The following GPR149 variants were observed in gnomAD, a reference collection of about 807,000 sequenced individuals.
The protein encoded by GPR149 is probable G protein-coupled receptor 149.
Under a neutral mutation model 50.2 loss-of-function variants are expected in GPR149, and 50 were observed. That is an observed-to-expected ratio of 1.00 (90% CI 0.79 to 1.26). The LOEUF is 1.26. GPR149 is among the 50% of genes most tolerant of loss of function. The pLI is 0.00. For synonymous variants in GPR149, 405 were observed against 358.2 expected, an observed-to-expected ratio of 1.13 and a Z score of -1.48; for missense variants, 983 against 895.4, an observed-to-expected ratio of 1.10 and a Z score of -1.25.
At chr3:154,344,879 A>T (rs1331349488) in intron 3 of GPR149, among the ~76,000 whole-genome samples, 2 of 152,222 alleles carry the variant, frequency 1.3e-5, no homozygotes, top group Non-Finnish European at 2.9e-5. Context: ...TTAATTTGTG[A>T]TAGTTTGTTA....
At chr3:154,343,706 C>T (rs1713856304) in intron 3 of GPR149, among the ~76,000 whole-genome samples, 1 of 152,088 alleles carries the variant, frequency 6.6e-6, no homozygotes, top group South Asian at 2.1e-4. Context: ...ACTGTTCATC[C>T]CTGTAATCCC....
intron 3 of GPR149, among the ~76,000 whole-genome samples, chr3:154,416,970 C>T (rs1368316769): frequency 6.6e-6 from 1 of 151,700 alleles, no homozygotes; most frequent in South Asian, 2.1e-4. Context: ...TAAAACAAAA[C>T]ATTAAAAGGA....
At chr3:154,356,261 A>G (rs1714221142) in intron 3 of GPR149, among the ~76,000 whole-genome samples, 2 of 152,262 alleles carry the variant, frequency 1.3e-5, no homozygotes, top group South Asian at 4.1e-4. Context: ...TAATTTATGA[A>G]GATAAGAGGT....
chr3:154,355,428 C>G (rs78573175), intron 3 of GPR149, among the ~76,000 whole-genome samples: 1 of 152,166 alleles, frequency 6.6e-6, no homozygotes, highest in East Asian at 1.9e-4. Flanking sequence ...TGCAATAAAT[C>G]CTTAGGGAAT....
intron 3 of GPR149, among the ~76,000 whole-genome samples, chr3:154,393,209 A>C (rs909753684): frequency 6.6e-6 from 1 of 152,044 alleles, no homozygotes; most frequent in African/African-American, 2.4e-5. Context: ...CAAGTTCAAC[A>C]ACTTACTAAG....
intron 3 of GPR149, among the ~76,000 whole-genome samples, chr3:154,360,911 A>G (rs1020823715): frequency 2.0e-5 from 3 of 152,202 alleles, no homozygotes; most frequent in Non-Finnish European, 4.4e-5. Context: ...AACTGAACAC[A>G]ACTAATTTCT....
chr3:154,340,094 C>T (rs371791771), intron 3 of GPR149, among the ~76,000 whole-genome samples: 15 of 151,998 alleles, frequency 9.9e-5, no homozygotes, highest in South Asian at 4.2e-4. Context: ...GCCCGGCCCA[C>T]GCTCTACTTC....
At chr3:154,388,130 A>G (rs544380304) in intron 3 of GPR149, among the ~76,000 whole-genome samples, 1 of 152,272 alleles carries the variant, frequency 6.6e-6, no homozygotes, top group South Asian at 2.1e-4. Context: ...CTTGTTTTTC[A>G]GGTTATTTTG....
intron 3 of GPR149, among the ~76,000 whole-genome samples, chr3:154,357,066 A>C (rs2108392892): frequency 6.6e-6 from 1 of 152,320 alleles, no homozygotes; most frequent in Admixed American, 6.5e-5. Flanking sequence ...AATCTGACAA[A>C]AACAAGAAAT....
At chr3:154,383,754 C>A (rs1401859470) in intron 3 of GPR149, among the ~76,000 whole-genome samples, 1 of 151,924 alleles carries the variant, frequency 6.6e-6, no homozygotes, top group East Asian at 1.9e-4. Context: ...TCTTTAATCC[C>A]CCAAATTATG....
chr3:154,355,929 A>G (rs1714212788), intron 3 of GPR149, among the ~76,000 whole-genome samples: 1 of 152,232 alleles, frequency 6.6e-6, no homozygotes, highest in Non-Finnish European at 1.5e-5. Context: ...CATTGATGAT[A>G]TTCATGTAAG....
At chr3:154,389,300 A>G (rs750167656) in intron 3 of GPR149, among the ~76,000 whole-genome samples, 1 of 152,166 alleles carries the variant, frequency 6.6e-6, no homozygotes, top group Non-Finnish European at 1.5e-5. Context: ...TCCTGGAGCA[A>G]GTGTAAAACC....
chr3:154,374,533 C>G (rs966423012), intron 3 of GPR149, among the ~76,000 whole-genome samples: 2 of 152,004 alleles, frequency 1.3e-5, no homozygotes, highest in Admixed American at 6.6e-5. Flanking sequence ...TGAGGGCTCT[C>G]TAGTCCCTCA....
At chr3:154,361,012 T>C (rs1714366015) in intron 3 of GPR149, among the ~76,000 whole-genome samples, 1 of 152,214 alleles carries the variant, frequency 6.6e-6, no homozygotes, top group Non-Finnish European at 1.5e-5. Flanking sequence ...GTATTCTTTC[T>C]TCCCACTACC....
intron 3 of GPR149, among the ~76,000 whole-genome samples, chr3:154,342,600 G>C (rs950461982): frequency 6.6e-6 from 1 of 152,084 alleles, no homozygotes; most frequent in Non-Finnish European, 1.5e-5. Flanking sequence ...GTAGAGACAG[G>C]GTTTTGCCAT....
At chr3:154,372,064 C>A (rs1714678428) in intron 3 of GPR149, among the ~76,000 whole-genome samples, 2 of 151,966 alleles carry the variant, frequency 1.3e-5, no homozygotes, top group African/African-American at 4.8e-5. Flanking sequence ...CTTCTTCGCC[C>A]CTCATCAGCA....
At chr3:154,366,206 T>C (rs186077844) in intron 3 of GPR149, among the ~76,000 whole-genome samples, 150 of 152,252 alleles carry the variant, frequency 9.9e-4, no homozygotes, top group Admixed American at 3.5e-3. Flanking sequence ...CTTGTTATAC[T>C]CTCTTCCTGT....
At chr3:154,405,933 CA>C (rs1185537597) in intron 3 of GPR149, among the ~76,000 whole-genome samples, 11 of 151,354 alleles carry the variant, frequency 7.3e-5, no homozygotes, top group African/African-American at 2.4e-4. Context: ...TTATTATAAA[CA>C]AAAAATTGTG....
chr3:154,374,802 C>T (rs1179301723), intron 3 of GPR149, among the ~76,000 whole-genome samples: 1 of 152,084 alleles, frequency 6.6e-6, no homozygotes, highest in African/African-American at 2.4e-5. Context: ...AGTGAGGCAG[C>T]CTTTGGTCCT....
Sources: gnomAD v4.1 joint callset for allele counts (sites outside exome capture counted in the v4.1 genomes callset) on GRCh38, gnomAD v4.1.1 for gene constraint, MANE v1.5 for transcripts, NCBI Gene and HGNC (gene_info 2026-07-23, HGNC 2026-07-21) for gene names.